The following TRAM2 variants were observed in gnomAD, a reference collection of about 807,000 sequenced individuals.
TRAM2 encodes translocating chain-associated membrane protein 2.
A neutral mutation model predicts 51.0 loss-of-function variants in TRAM2; 12 were observed. That is an observed-to-expected ratio of 0.24 (90% CI 0.15 to 0.38). TRAM2 has a LOEUF of 0.38. Ranked by LOEUF, TRAM2 falls within the 10% of genes least tolerant of loss-of-function variation. The probability of loss-of-function intolerance (pLI) is 1.00; values close to 1 mark genes in which losing one functional copy is unlikely to be tolerated. For missense variants in TRAM2, 361 were observed against 462.0 expected (o/e 0.78, Z 2.00); for synonymous variants, 175 against 179.4 (o/e 0.98, Z 0.20).
intron 2 of TRAM2, chr6:52,523,076 C>T (rs955911196): frequency 1.8e-6 from 1 of 541,332 alleles, no homozygotes; most frequent in Non-Finnish European, 3.2e-6. Flanking sequence ...TGTCTGAAAG[C>T]TAGTTGTTTA....
chr6:52,517,038 A>G (rs1204023062), intron 2 of TRAM2: 1 of 325,304 alleles, frequency 3.1e-6, no homozygotes, highest in Non-Finnish European at 5.8e-6. Context: ...GAGACCACCA[A>G]TCCCCATCAC....
rs1357007100 is a variant in TRAM2, at chr6:52,576,990, G to A, written c.-75C>T. The A allele has an allele frequency of 8.9e-6, 12 of 1,342,712 alleles. No homozygotes were observed. Among genetic ancestry groups the A allele is most frequent in the African/African-American group, 1.6e-5 (1 of 63,694 alleles). The allele number at this position is 1,342,712 out of a possible 1,614,324, so 83.2% of individuals were successfully genotyped here. A position where few individuals can be genotyped will look rare whatever the true frequency, so the allele number is the denominator to read the frequency against. On this transcript the variant is annotated 5_prime_UTR_variant, in exon 1 of 11. Transcript: ENST00000182527. ...CCGCAGCGCAAACTTCTCCAGCACC[G>A]GCCCGGTCCGCCCGCCGGCCCGCCG...
chr6:52,516,161 T>A (rs1766544420), intron 3 of TRAM2, 39 bp from the exon 4 acceptor site: 1 of 1,572,178 alleles, frequency 6.4e-7, no homozygotes, highest in African/African-American at 1.4e-5. Flanking sequence ...AATATACAAA[T>A]GTATCCATAT....
chr6:52,505,928 A>G (rs1766339695), intron 8 of TRAM2, 104 bp downstream of exon 8: 1 of 1,414,992 alleles, frequency 7.1e-7, no homozygotes, highest in African/African-American at 1.4e-5. Context: ...ACCTGCAGGT[A>G]AGCGGGCAGT....
intron 4 of TRAM2, 76 bp from the exon 5 acceptor site, chr6:52,509,662 G>GAC: frequency 7.5e-7 from 1 of 1,336,894 alleles, no homozygotes; most frequent in South Asian, 1.2e-5. Flanking sequence ...CGGTCCAGGG[G>GAC]TCAGGGATGC....
Position 52,512,196 on chromosome 6 carries a change from C to T in TRAM2, c.412-2610G>A, listed in dbSNP as rs112211948. ...GAAAGTTTTGCCCAAACAAGACTCG[C>T]CAAGAAAAGCAGCACTGAGAGCAAT... On this transcript the variant is annotated intron_variant, in intron 4 of 10. Coordinates refer to ENST00000182527, the MANE Select transcript of TRAM2 (RefSeq NM_012288.4). 7.5e-3 allele frequency among the ~76,000 whole-genome samples: 1,140 copies of T among 152,218 alleles called. 8 individuals are homozygous for T. Among genetic ancestry groups the T allele is most frequent in the Non-Finnish European group, 0.013 (886 of 68,016 alleles).
At chr6:52,505,568 G>A in intron 9 of TRAM2, 31 bp downstream of exon 9, 1 of 1,579,782 alleles carries the variant, frequency 6.3e-7, no homozygotes. Flanking sequence ...AGGCTCCCTG[G>A]CTTATCACCT....
rs1766308563 is a variant in TRAM2 at position 52,504,623 on chromosome 6, C to G, written c.1007G>C (p.Arg336Thr). The G allele has an allele frequency of 6.2e-7, 1 of 1,614,130 alleles. No homozygotes were observed. The highest frequency in any genetic ancestry group is 8.5e-7 in the Non-Finnish European group (1 of 1,180,042). ...SAKRRVPATP[R>T]LPARLIKRES... is the part of the protein sequence containing the mutation. ...CCTCTTGATGAGCCTGGCTGGTAGTCTGGGTGTGGCTGGGACTCTCCGCTT... is the reference window on the plus strand; with the variant it reads ...CCTCTTGATGAGCCTGGCTGGTAGTGTGGGTGTGGCTGGGACTCTCCGCTT... The change falls in exon 10 of 11, where the codon AGA (arginine) becomes ACA (threonine). Residue 336 changes from arginine (R) to threonine (T), a missense_variant. Physicochemically the swap from Arg to Thr is moderately conservative, Grantham distance 71. Coordinates refer to ENST00000182527, the MANE Select transcript of TRAM2 (RefSeq NM_012288.4).
At chr6:52,561,280 T>C (rs1000387428) in intron 1 of TRAM2, among the ~76,000 whole-genome samples, 19 of 152,168 alleles carry the variant, frequency 1.2e-4, no homozygotes, top group African/African-American at 4.3e-4. Flanking sequence ...AACAGTTTTT[T>C]GTTCGTCTGT....
chr6:52,576,302 T>C (rs1050141512), intron 1 of TRAM2, among the ~76,000 whole-genome samples: 1 of 152,164 alleles, frequency 6.6e-6, no homozygotes, highest in South Asian at 2.1e-4. Context: ...AGAGCTGAGA[T>C]GCAAAACACC....
rs1766541234 is a variant in TRAM2, at chr6:52,516,035, C to T, written c.382G>A (p.Val128Met). 1 of 1,614,174 alleles carries T rather than the reference C, an allele frequency of 6.2e-7. No homozygotes were observed. Among genetic ancestry groups the T allele is most frequent in the Non-Finnish European group, 8.5e-7 (1 of 1,180,032 alleles). ...ACCACCACGTAGAAGCACCAAATCA[C>T]CGAGGTGAAATGAAAGACGACCAGC... ...GQLVVFHFTS[V>M]IWCFYVVVTE... The change falls in exon 4 of 11, where the codon GTG becomes ATG. Residue 128 changes from valine to methionine, a missense_variant. By Grantham distance (21) the Val-to-Met change is conservative (BLOSUM62 1). Coordinates refer to ENST00000182527, the MANE Select transcript of TRAM2 (RefSeq NM_012288.4).
In TRAM2 at chr6:52,500,528, GTT is replaced by G. The variant is rs59714938; in HGVS notation, c.*2667_*2668del. The G allele has an allele frequency of 0.098, 12,067 of 123,002 alleles. 549 individuals carry two copies. The highest frequency in any genetic ancestry group is 0.18 in the East Asian group (835 of 4,764). 7.6% of individuals were successfully genotyped at this position (123,002 alleles called of 1,614,324 possible). On this transcript the variant is annotated 3_prime_UTR_variant, in exon 11 of 11. Coordinates refer to ENST00000182527, the MANE Select transcript of TRAM2 (RefSeq NM_012288.4). ...ACTCATGGTCTCAGGGTTTTTTTTT[GTT>G]TTTTTTTTTTTTTTTACATAAAATA...
intron 4 of TRAM2, 100 bp downstream of exon 4, chr6:52,515,906 G>A: frequency 1.0e-6 from 1 of 1,003,988 alleles, no homozygotes; most frequent in Non-Finnish European, 1.5e-6. Flanking sequence ...AAAAGAAAAA[G>A]AGCAAGGGGT....
At chr6:52,565,169 C>T (rs1379993353) in intron 1 of TRAM2, among the ~76,000 whole-genome samples, 2 of 152,088 alleles carry the variant, frequency 1.3e-5, no homozygotes, top group Non-Finnish European at 2.9e-5. Context: ...AGTAGGGAGA[C>T]CCATGTTCAG....
rs117729804 is a variant in TRAM2, at chr6:52,545,669, G to C, written c.121-9823C>G. Among the ~76,000 whole-genome samples, 111 of 141,078 alleles carry C rather than the reference G, an allele frequency of 7.9e-4. 1 individual carries two copies. In the East Asian group the frequency reaches 0.023, roughly 29 times the overall value. The allele number at this position is 141,078 out of a possible 152,430, so 92.6% of individuals were successfully genotyped here. A position where few individuals can be genotyped will look rare whatever the true frequency, so the allele number is the denominator to read the frequency against. ...GGAACCAAGGCCATGGCCTTGCCAA[G>C]GGCAGCTGGAAGAACCAACCCCAAG... On this transcript the variant is annotated intron_variant, in intron 1 of 10. Transcript: ENST00000182527.
chr6:52,524,698 A>C (rs148523433), intron 2 of TRAM2: 1 of 152,364 alleles, frequency 6.6e-6, no homozygotes, highest in East Asian at 1.9e-4. Context: ...TAAGTCTTCA[A>C]ATTCTTCCTG....
Position 52,504,769 on chromosome 6 carries a change from G to C in TRAM2, c.876-15C>G. On this transcript the variant is annotated splice_polypyrimidine_tract_variant and intron_variant, in intron 9 of 10. Coordinates refer to ENST00000182527, the MANE Select transcript of TRAM2 (RefSeq NM_012288.4). ...GCACGCAGAGCCTGCAGAGCAGGGGGTTAGGGGCTTAGGCTGGGGCTTGGG... is the reference window on the plus strand; with the variant it reads ...GCACGCAGAGCCTGCAGAGCAGGGGCTTAGGGGCTTAGGCTGGGGCTTGGG... 1.3e-6 allele frequency: 2 copies of C among 1,588,980 alleles called. No homozygotes were observed. The highest frequency in any genetic ancestry group is 1.7e-6 in the Non-Finnish European group (2 of 1,170,508).
At chr6:52,521,513 G>A (rs1228337643) in intron 2 of TRAM2, among the ~76,000 whole-genome samples, 1 of 151,518 alleles carries the variant, frequency 6.6e-6, no homozygotes, top group Non-Finnish European at 1.5e-5. Flanking sequence ...CTAACATGGT[G>A]AAACCCCCGT....
chr6:52,575,518 C>T (rs371502572), intron 1 of TRAM2, among the ~76,000 whole-genome samples: 1 of 148,738 alleles, frequency 6.7e-6, no homozygotes, highest in Non-Finnish European at 1.5e-5. Context: ...AGCTCAGCCA[C>T]GGACACATTC....
Sources: gnomAD v4.1 joint callset for allele counts (sites outside exome capture counted in the v4.1 genomes callset) on GRCh38, gnomAD v4.1.1 for gene constraint, MANE v1.5 for transcripts, NCBI Gene and HGNC (gene_info 2026-07-23, HGNC 2026-07-21) for gene names.